Variants in AP2M1 observed in about 807,000 individuals in gnomAD.
AP2M1 encodes adaptor related protein complex 2 subunit mu 1, also known as AP-2 complex subunit mu.
A neutral mutation model predicts 54.5 loss-of-function variants in AP2M1; 5 were observed. That is an observed-to-expected ratio of 0.09 (90% CI 0.05 to 0.19). The LOEUF is 0.19. Ranked by LOEUF, AP2M1 falls within the 10% of genes least tolerant of loss-of-function variation. The pLI, the probability that AP2M1 is intolerant of heterozygous loss-of-function variation, is 1.00. For synonymous variants in AP2M1, 186 were observed against 208.2 expected (o/e 0.89, Z 0.92); for missense variants, 178 against 580.2 (o/e 0.31, Z 7.12).
rs756966352 is a variant in AP2M1, at chr3:184,178,071, C to T, written c.75-786C>T. ...CTGGGCAAGCCAAGGCCAGGTCACA[C>T]GCCGCCTTGCCTGTCTTGTCTGCTT... On this transcript the variant is annotated intron_variant, in intron 2 of 11. Coordinates refer to ENST00000292807, the MANE Select transcript of AP2M1 (RefSeq NM_004068.4). This position sits in a 1 kb window ranked among gnomAD's most constrained non-coding sequence, Gnocchi z 4.9. The T allele has an allele frequency of 7.9e-5, 81 of 1,019,542 alleles. No homozygotes were observed. The highest frequency in any genetic ancestry group is 1.0e-4 in the Non-Finnish European group (70 of 680,572). 63.2% of individuals were successfully genotyped at this position (1,019,542 alleles called of 1,614,324 possible).
Position 184,180,129 on chromosome 3 carries a change from A to C in AP2M1, c.341-40A>C, listed in dbSNP as rs1160326643. Reference sequence around the variant, plus strand: ...GGCCCAAGTAGGGGCTGGAATGAAGAAGCTCTGTCCAGGGGCTGATGGTTC... The same window carrying C: ...GGCCCAAGTAGGGGCTGGAATGAAGCAGCTCTGTCCAGGGGCTGATGGTTC... On this transcript the variant is annotated intron_variant, in intron 3 of 11. Transcript: ENST00000292807. The surrounding 1 kb of genome is among the most constrained non-coding windows in gnomAD (Gnocchi z 4.9). 2.5e-6 allele frequency: 4 copies of C among 1,601,852 alleles called. No homozygotes were observed. The highest frequency in any genetic ancestry group is 2.2e-5 in the East Asian group (1 of 44,828).
chr3:184,181,619 C>A lies in AP2M1; in HGVS notation c.708-77C>A. 6.4e-7 allele frequency: 1 copy of A among 1,566,500 alleles called. No individual in the cohort carries two copies. On this transcript the variant is annotated intron_variant, in intron 7 of 11. Coordinates refer to ENST00000292807, the MANE Select transcript of AP2M1 (RefSeq NM_004068.4). The surrounding 1 kb of genome is among the most constrained non-coding windows in gnomAD (Gnocchi z 5.7). ...GCTTTTCATAGTCTCTGGTGCCAGC[C>A]TGGGGTGGAGTGGTCTCCCAGCATG...
chr3:184,178,252 G>A lies in AP2M1; in HGVS notation c.75-605G>A. ...AGCGGCCTCTCAAGCTGCTGCCCAG[G>A]TACAGGTGGGTGGGGGCCTGCCCCC... On this transcript the variant is annotated intron_variant, in intron 2 of 11. Coordinates refer to ENST00000292807, the MANE Select transcript of AP2M1 (RefSeq NM_004068.4). The surrounding 1 kb of genome is among the most constrained non-coding windows in gnomAD (Gnocchi z 4.9). The A allele has an allele frequency of 3.3e-6, 5 of 1,535,502 alleles. No homozygotes were observed. Among genetic ancestry groups the A allele is most frequent in the Non-Finnish European group, 3.5e-6 (4 of 1,146,326 alleles).
In AP2M1 at chr3:184,178,752, G is replaced by A; in HGVS notation, c.75-105G>A. On this transcript the variant is annotated intron_variant, in intron 2 of 11. Transcript: ENST00000292807. This position sits in a 1 kb window ranked among gnomAD's most constrained non-coding sequence, Gnocchi z 4.9. ...GGCTTTCTTTGGAGTGTGTGTGTCAGACTTCTGCAGAAAGGAGGGTGGGGC... is the reference window on the plus strand; with the variant it reads ...GGCTTTCTTTGGAGTGTGTGTGTCAAACTTCTGCAGAAAGGAGGGTGGGGC... 1.4e-6 allele frequency: 2 copies of A among 1,409,198 alleles called. No individual in the cohort carries two copies. Among genetic ancestry groups the A allele is most frequent in the South Asian group, 2.7e-5 (2 of 73,438 alleles). 87.3% of individuals were successfully genotyped at this position (1,409,198 alleles called of 1,614,324 possible).
intron 1 of AP2M1, among the ~76,000 whole-genome samples, chr3:184,175,368 C>T (rs1715034037): frequency 6.6e-6 from 1 of 152,130 alleles, no homozygotes; most frequent in South Asian, 2.1e-4. Context: ...ATGCGGCACC[C>T]CCTCCTCTTA....
At position 184,183,060 on chromosome 3, in the gene AP2M1, C is replaced by G; in HGVS notation, c.1173+192C>G. On this transcript the variant is annotated intron_variant, in intron 11 of 11. Coordinates refer to ENST00000292807, the MANE Select transcript of AP2M1 (RefSeq NM_004068.4). The surrounding 1 kb of genome is among the most constrained non-coding windows in gnomAD (Gnocchi z 5.7). ...AATTACTATTTGTGATGAGGCAAAT[C>G]TTTTACTTCTCTCGGCTTGTCCTAA... 1.5e-6 allele frequency: 1 copy of G among 652,554 alleles called. No homozygotes were observed. 40.4% of individuals were successfully genotyped at this position (652,554 alleles called of 1,614,324 possible).
intron 2 of AP2M1, chr3:184,177,451 C>A: frequency 8.1e-7 from 1 of 1,239,476 alleles, no homozygotes; most frequent in Non-Finnish European, 1.1e-6. Context: ...CTAAGCCTTG[C>A]TCTCAGAAGC....
In AP2M1 at chr3:184,181,561, C is replaced by T; in HGVS notation, c.708-135C>T. Reference sequence around the variant, plus strand: ...TTCCCTCTCATCCCAAGCTCTGGGGCAGACCTCCGAGTCACAAAGCTGCAT... The same window carrying T: ...TTCCCTCTCATCCCAAGCTCTGGGGTAGACCTCCGAGTCACAAAGCTGCAT... On this transcript the variant is annotated intron_variant, in intron 7 of 11. Transcript: ENST00000292807. The surrounding 1 kb of genome is among the most constrained non-coding windows in gnomAD (Gnocchi z 5.7). The T allele has an allele frequency of 3.2e-6, 4 of 1,255,866 alleles. No homozygotes were observed. The highest frequency in any genetic ancestry group is 4.4e-6 in the Non-Finnish European group (4 of 899,462). 77.8% of individuals were successfully genotyped at this position (1,255,866 alleles called of 1,614,324 possible).
chr3:184,175,158 GT>G (rs1187903898), intron 1 of AP2M1, 199 bp downstream of exon 1: 1 of 394,358 alleles, frequency 2.5e-6, no homozygotes, highest in East Asian at 3.6e-5. Flanking sequence ...GCGGGGAGCG[GT>G]GCCCTCCACC....
chr3:184,177,948 T>C, intron 2 of AP2M1: 2 of 604,308 alleles, frequency 3.3e-6, no homozygotes, highest in Admixed American at 5.8e-5. Context: ...TGGCTGGTGG[T>C]GTGGCATGAG....
At chr3:184,176,395 C>T (rs1179770912) in intron 1 of AP2M1, among the ~76,000 whole-genome samples, 1 of 152,246 alleles carries the variant, frequency 6.6e-6, no homozygotes, top group African/African-American at 2.4e-5. Context: ...GCTCCCTTCT[C>T]TTCTCCTTAT....
At position 184,183,234 on chromosome 3, in the gene AP2M1, A is replaced by G; in HGVS notation, c.1174-248A>G. On this transcript the variant is annotated intron_variant, in intron 11 of 11. Coordinates refer to ENST00000292807, the MANE Select transcript of AP2M1 (RefSeq NM_004068.4). This position sits in a 1 kb window ranked among gnomAD's most constrained non-coding sequence, Gnocchi z 5.7. ...TTAAGTTCATAATATTGAGCAGGATAAGTATGTTCTAAAGCAGTTCTTTGG... is the reference window on the plus strand; with the variant it reads ...TTAAGTTCATAATATTGAGCAGGATGAGTATGTTCTAAAGCAGTTCTTTGG... 1.7e-6 allele frequency: 1 copy of G among 577,452 alleles called. No homozygotes were observed. Among genetic ancestry groups the G allele is most frequent in the Non-Finnish European group, 3.1e-6 (1 of 326,300 alleles). The allele number at this position is 577,452 out of a possible 1,614,324, so 35.8% of individuals were successfully genotyped here.
Position 184,182,453 on chromosome 3 carries a change from G to A in AP2M1, c.1061+205G>A. On this transcript the variant is annotated intron_variant, in intron 10 of 11. Coordinates refer to ENST00000292807, the MANE Select transcript of AP2M1 (RefSeq NM_004068.4). The surrounding 1 kb of genome is among the most constrained non-coding windows in gnomAD (Gnocchi z 5.5). Reference sequence around the variant, plus strand: ...GTTCATGCACGTGCTTATTTTTTAAGATGCTTTGGCATTTCCCTTTGTAAT... The same window carrying A: ...GTTCATGCACGTGCTTATTTTTTAAAATGCTTTGGCATTTCCCTTTGTAAT... 6.6e-6 allele frequency: 4 copies of A among 609,840 alleles called. No individual in the cohort carries two copies. The highest frequency in any genetic ancestry group is 1.1e-5 in the Non-Finnish European group (4 of 348,430). 37.8% of individuals were successfully genotyped at this position (609,840 alleles called of 1,614,324 possible). A position where few individuals can be genotyped will look rare whatever the true frequency, so the allele number is the denominator to read the frequency against.
chr3:184,177,785 C>T (rs1453600937), intron 2 of AP2M1: 10 of 636,488 alleles, frequency 1.6e-5, no homozygotes, highest in Admixed American at 1.5e-4. Context: ...TCCTAGCCTC[C>T]GAGGCGCTAA....
chr3:184,177,867 G>A, intron 2 of AP2M1: 1 of 596,208 alleles, frequency 1.7e-6, no homozygotes, highest in Non-Finnish European at 3.0e-6. Flanking sequence ...CACAGAATGG[G>A]CCTGTGGCAG....
intron 2 of AP2M1, among the ~76,000 whole-genome samples, chr3:184,177,312 C>G (rs1715105652): frequency 6.6e-6 from 1 of 152,240 alleles, no homozygotes; most frequent in Admixed American, 6.5e-5. Flanking sequence ...GGAACTCCTT[C>G]CCTTCCTGCA....
rs568934064 is a variant in AP2M1, at chr3:184,178,469, A to C, written c.75-388A>C. On this transcript the variant is annotated intron_variant, in intron 2 of 11. Coordinates refer to ENST00000292807, the MANE Select transcript of AP2M1 (RefSeq NM_004068.4). This position sits in a 1 kb window ranked among gnomAD's most constrained non-coding sequence, Gnocchi z 4.9. ...GGTGGGATCACTAGCGGGAGGACTG[A>C]AGAAGCAGTGTCTCTTTCTGTCCTG... 2.3e-4 allele frequency among the ~76,000 whole-genome samples: 35 copies of C among 152,358 alleles called. No individual in the cohort carries two copies. The highest frequency in any genetic ancestry group is 8.2e-4 in the African/African-American group (34 of 41,578).
At position 184,183,272 on chromosome 3, in the gene AP2M1, G is replaced by C. The variant is rs1715333671; in HGVS notation, c.1174-210G>C. 4.7e-6 allele frequency: 3 copies of C among 633,194 alleles called. No individual in the cohort carries two copies. Among genetic ancestry groups the C allele is most frequent in the Non-Finnish European group, 8.1e-6 (3 of 369,036 alleles). The allele number at this position is 633,194 out of a possible 1,614,324, so 39.2% of individuals were successfully genotyped here. ...AGCAGTTCTTTGGTTGCTGTCTCCTGCTGATTAAAGGAACTGATTCAAGGT... is the reference window on the plus strand; with the variant it reads ...AGCAGTTCTTTGGTTGCTGTCTCCTCCTGATTAAAGGAACTGATTCAAGGT... On this transcript the variant is annotated intron_variant, in intron 11 of 11. Coordinates refer to ENST00000292807, the MANE Select transcript of AP2M1 (RefSeq NM_004068.4). The surrounding 1 kb of genome is among the most constrained non-coding windows in gnomAD (Gnocchi z 5.7).
intron 1 of AP2M1, 116 bp from the exon 2 acceptor site, chr3:184,176,831 TGCAG>T (rs939704300): frequency 1.2e-4 from 73 of 613,056 alleles, no homozygotes; most frequent in Non-Finnish European, 1.8e-4. Flanking sequence ...CTGGGAGGGC[TGCAG>T]GGTCACTTAC....
Sources: allele counts gnomAD v4.1 joint callset (sites outside exome capture counted in the v4.1 genomes callset), GRCh38; gene constraint gnomAD v4.1.1; non-coding constraint Gnocchi (gnomAD v3.1); transcripts MANE v1.5; gene names NCBI Gene and HGNC (gene_info 2026-07-23, HGNC 2026-07-21).